Variants in IMMP2L observed in about 807,000 individuals in gnomAD.
IMMP2L encodes the protein mitochondrial inner membrane protease subunit 2.
IMMP2L carries 18 observed loss-of-function variants against 19.3 expected under a neutral mutation model. That is an observed-to-expected ratio of 0.93 (90% CI 0.64 to 1.38). IMMP2L has a LOEUF of 1.38. Ranked by LOEUF, IMMP2L falls within the 40% of genes most tolerant of loss-of-function variation. IMMP2L has a pLI of 0.00. For missense variants in IMMP2L, 233 were observed against 218.2 expected, an observed-to-expected ratio of 1.07 and a Z score of -0.43; for synonymous variants, 76 against 73.0, an observed-to-expected ratio of 1.04 and a Z score of -0.21.
intron 5 of IMMP2L, among the ~76,000 whole-genome samples, chr7:110,684,097 A>C (rs1371440401): frequency 6.6e-6 from 1 of 152,150 alleles, no homozygotes; most frequent in Non-Finnish European, 1.5e-5. Context: ...TTAAAGTTGA[A>C]ATTTATAAAA....
chr7:110,988,433 T>C (rs974167508), intron 3 of IMMP2L, among the ~76,000 whole-genome samples: 4 of 152,214 alleles, frequency 2.6e-5, no homozygotes, highest in African/African-American at 9.6e-5. Flanking sequence ...TCTAGTCACA[T>C]TTCTTTGGCT....
chr7:111,359,114 C>T (rs1829010846), intron 3 of IMMP2L, among the ~76,000 whole-genome samples: 1 of 152,112 alleles, frequency 6.6e-6, no homozygotes, highest in Admixed American at 6.6e-5. Flanking sequence ...CTTTGGAAGG[C>T]AAGGTTAACA....
At chr7:111,403,004 A>G (rs28642287) in intron 3 of IMMP2L, among the ~76,000 whole-genome samples, 3 of 32,578 alleles carry the variant, frequency 9.2e-5, no homozygotes, top group South Asian at 1.9e-3. Context: ...CCCCCCCCCC[A>G]CCCCGCCAGG....
intron 3 of IMMP2L, among the ~76,000 whole-genome samples, chr7:111,412,403 T>C (rs917887603): frequency 1.3e-5 from 2 of 151,752 alleles, no homozygotes; most frequent in Non-Finnish European, 2.9e-5. Context: ...ATAGGGCATA[T>C]TCCAGGCCTT....
At chr7:110,718,297 T>A (rs1411466962) in intron 5 of IMMP2L, among the ~76,000 whole-genome samples, 2 of 152,304 alleles carry the variant, frequency 1.3e-5, no homozygotes, top group East Asian at 1.9e-4. Flanking sequence ...GCTATCTTTT[T>A]AAAAGGGTTA....
intron 4 of IMMP2L, among the ~76,000 whole-genome samples, chr7:110,923,310 T>A (rs1228353401): frequency 6.6e-6 from 1 of 152,160 alleles, no homozygotes; most frequent in Non-Finnish European, 1.5e-5. Context: ...GAAACTCCGG[T>A]AAAAAGCATT....
intron 3 of IMMP2L, among the ~76,000 whole-genome samples, chr7:111,446,426 G>A (rs1205843578): frequency 6.7e-6 from 1 of 149,198 alleles, no homozygotes; most frequent in African/African-American, 2.6e-5. Context: ...CTAACTGGGA[G>A]GCAGCCCCCA....
intron 5 of IMMP2L, among the ~76,000 whole-genome samples, chr7:110,866,517 CTCTTGGTAGCACA>C (rs1460908232): frequency 6.6e-6 from 1 of 151,970 alleles, no homozygotes; most frequent in Admixed American, 6.6e-5. Flanking sequence ...TATTGCTTCA[CTCTTGGTAGCACA>C]TCAGGGCCCA....
intron 2 of IMMP2L, among the ~76,000 whole-genome samples, chr7:111,499,942 T>C (rs2132419743): frequency 6.6e-6 from 1 of 151,944 alleles, no homozygotes; most frequent in East Asian, 1.9e-4. Context: ...CACTAGGGAG[T>C]GCCAGACAGC....
At chr7:110,705,680 A>G (rs1013275716) in intron 5 of IMMP2L, among the ~76,000 whole-genome samples, 1 of 152,090 alleles carries the variant, frequency 6.6e-6, no homozygotes, top group Non-Finnish European at 1.5e-5. Flanking sequence ...CCTGTCACCC[A>G]GATAACACTA....
At chr7:111,026,640 T>C (rs962037771) in intron 3 of IMMP2L, among the ~76,000 whole-genome samples, 4 of 152,088 alleles carry the variant, frequency 2.6e-5, no homozygotes, top group Non-Finnish European at 2.9e-5. Flanking sequence ...ATAAATTAGA[T>C]GCATTTCAAT....
chr7:111,205,123 A>G (rs971999595), intron 3 of IMMP2L, among the ~76,000 whole-genome samples: 2 of 152,310 alleles, frequency 1.3e-5, no homozygotes, highest in Non-Finnish European at 2.9e-5. Flanking sequence ...ACAAGGGACA[A>G]CACTGTGTCT....
At chr7:110,898,806 TG>T (rs1383755821) in intron 4 of IMMP2L, among the ~76,000 whole-genome samples, 2 of 148,374 alleles carry the variant, frequency 1.3e-5, no homozygotes, top group African/African-American at 2.6e-5. Context: ...TTCCTGAGTT[TG>T]TTTTTTTTTT....
chr7:111,213,116 GA>G lies in IMMP2L; in HGVS notation c.240-249552del, dbSNP rs1334045193. Among the ~76,000 whole-genome samples, 1 of 152,254 alleles carries G rather than the reference GA, an allele frequency of 6.6e-6. No homozygotes were observed. The highest frequency in any genetic ancestry group is 1.5e-5 in the Non-Finnish European group (1 of 68,050). The stretch of plus-strand genomic sequence containing the variant: ...GCATTTCTACACTCTTGGAGGCCAG[GA>G]AAGGCCCCCTGTCTCTGCAGGCTCA... On this transcript the variant is annotated intron_variant, in intron 3 of 5. Transcript: ENST00000405709. This position sits in a 1 kb window ranked among gnomAD's most constrained non-coding sequence, Gnocchi z 4.8.
chr7:111,440,521 G>A (rs1563193666), intron 3 of IMMP2L, among the ~76,000 whole-genome samples: 1 of 151,866 alleles, frequency 6.6e-6, no homozygotes, highest in Non-Finnish European at 1.5e-5. Flanking sequence ...TCTCAAGAAT[G>A]AGCCTAAAAT....
intron 3 of IMMP2L, among the ~76,000 whole-genome samples, chr7:111,164,525 G>T (rs1381616379): frequency 6.6e-6 from 1 of 151,834 alleles, no homozygotes; most frequent in Non-Finnish European, 1.5e-5. Flanking sequence ...ACCAGGAATG[G>T]GATGAAAGAG....
chr7:111,447,328 AG>A (rs1376979376), intron 3 of IMMP2L, among the ~76,000 whole-genome samples: 1 of 134,284 alleles, frequency 7.4e-6, no homozygotes, highest in Non-Finnish European at 1.6e-5. Context: ...TTACCCTCAA[AG>A]GGAAGCCCAT....
intron 3 of IMMP2L, among the ~76,000 whole-genome samples, chr7:111,475,365 G>A (rs764063747): frequency 1.3e-5 from 2 of 151,610 alleles, no homozygotes; most frequent in East Asian, 1.9e-4. Flanking sequence ...ATCAGCTACC[G>A]ACACATTTCC....
chr7:111,003,530 G>T (rs904246120), intron 3 of IMMP2L, among the ~76,000 whole-genome samples: 3 of 147,332 alleles, frequency 2.0e-5, no homozygotes, highest in Non-Finnish European at 1.5e-5. Context: ...TTTTTTTTTT[G>T]AGATAGGGTC....
Sources: allele counts gnomAD v4.1 joint callset (sites outside exome capture counted in the v4.1 genomes callset), GRCh38; gene constraint gnomAD v4.1.1; non-coding constraint Gnocchi (gnomAD v3.1); transcripts MANE v1.5; gene names NCBI Gene and HGNC (gene_info 2026-07-23, HGNC 2026-07-21).